ANO3: variants seen among roughly 807,000 people sequenced by gnomAD.
ANO3 encodes anoctamin 3.
In ANO3, 99 loss-of-function variants were observed where a neutral mutation model predicts 144.8. The observed-to-expected ratio is 0.68, with a 90% CI of 0.58 to 0.81. The LOEUF (loss-of-function observed/expected upper bound fraction) is 0.81. ANO3 is among the 30% of genes least tolerant of loss of function. The probability of loss-of-function intolerance (pLI) is 0.00; values close to 1 mark genes in which losing one functional copy is unlikely to be tolerated. For missense variants in ANO3, 905 were observed against 1,202.2 expected (o/e 0.75, Z 3.66); for synonymous variants, 414 against 392.6 (o/e 1.05, Z -0.64).
At chr11:26,221,369 G>A (rs1578894) in intron 1 of ANO3, among the ~76,000 whole-genome samples, 46,027 of 152,052 alleles carry the variant, frequency 0.3, 7,703 homozygotes, top group Non-Finnish European at 0.37. Flanking sequence ...GCAGGAAAGG[G>A]TCACTATAGC....
chr11:26,242,119 G>C (rs1342663532), intron 1 of ANO3, among the ~76,000 whole-genome samples: 1 of 152,192 alleles, frequency 6.6e-6, no homozygotes, highest in Admixed American at 6.5e-5. Flanking sequence ...ACTGATGATA[G>C]TTGAAATTGT....
At chr11:26,379,915 C>G (rs1856542922) in intron 1 of ANO3, among the ~76,000 whole-genome samples, 1 of 152,128 alleles carries the variant, frequency 6.6e-6, no homozygotes, top group African/African-American at 2.4e-5. Context: ...GGGAATAACA[C>G]CTTGAGCATT....
chr11:26,448,571 A>T (rs907429391), intron 3 of ANO3, among the ~76,000 whole-genome samples: 1 of 152,192 alleles, frequency 6.6e-6, no homozygotes, highest in Admixed American at 6.5e-5. Flanking sequence ...TTTTGCTTTC[A>T]TTCTATAACT....
chr11:26,611,195 T>C (rs557247208), intron 17 of ANO3, among the ~76,000 whole-genome samples: 3 of 152,240 alleles, frequency 2.0e-5, no homozygotes, highest in African/African-American at 7.2e-5. Flanking sequence ...TTCCTACTTT[T>C]TGAGCTGCAT....
intron 20 of ANO3, among the ~76,000 whole-genome samples, chr11:26,636,301 C>G (rs1365145923): frequency 6.6e-6 from 1 of 152,028 alleles, no homozygotes. Flanking sequence ...TTAATGATAG[C>G]CATAATTACA....
chr11:26,404,933 ATGTGTGTGTGTGTGTGTGTGTGTG>A (rs56103536), intron 1 of ANO3, among the ~76,000 whole-genome samples: 6 of 146,172 alleles, frequency 4.1e-5, no homozygotes, highest in Non-Finnish European at 9.0e-5. Flanking sequence ...ATTTATATAT[ATGTGTGTGTGTGTGTGTGTGTGTG>A]TGTGTGTGTG....
At chr11:26,367,713 G>T (rs1590298649) in intron 1 of ANO3, among the ~76,000 whole-genome samples, 1 of 152,268 alleles carries the variant, frequency 6.6e-6, no homozygotes, top group African/African-American at 2.4e-5. Flanking sequence ...TAGTTCTGCA[G>T]GCTTTACTGC....
chr11:26,377,724 C>G (rs1856455078), intron 1 of ANO3, among the ~76,000 whole-genome samples: 1 of 152,014 alleles, frequency 6.6e-6, no homozygotes, highest in Non-Finnish European at 1.5e-5. Flanking sequence ...TATCTAGACC[C>G]ATTGTAGTAA....
chr11:26,562,869 G>A (rs541121436), intron 14 of ANO3, among the ~76,000 whole-genome samples: 59 of 151,924 alleles, frequency 3.9e-4, no homozygotes, highest in Admixed American at 8.6e-4. Flanking sequence ...TAGATTCTTG[G>A]ATTATTATTT....
At chr11:26,600,901 C>T (rs1015439449) in intron 17 of ANO3, among the ~76,000 whole-genome samples, 3 of 151,920 alleles carry the variant, frequency 2.0e-5, no homozygotes, top group African/African-American at 4.8e-5. Context: ...GTTTCAACAT[C>T]GCATGCACTT....
chr11:26,615,937 C>T (rs575639830), intron 17 of ANO3, among the ~76,000 whole-genome samples: 1 of 152,162 alleles, frequency 6.6e-6, no homozygotes, highest in South Asian at 2.1e-4. Flanking sequence ...TGCTCAAAGC[C>T]ATCTTTGGAG....
intron 1 of ANO3, among the ~76,000 whole-genome samples, chr11:26,313,244 G>A (rs1418407399): frequency 1.3e-5 from 2 of 152,168 alleles, no homozygotes; most frequent in African/African-American, 4.8e-5. Flanking sequence ...CACCATTGCT[G>A]TGAATCTTTT....
intron 1 of ANO3, among the ~76,000 whole-genome samples, chr11:26,372,855 G>A (rs1299867956): frequency 2.0e-5 from 3 of 151,982 alleles, no homozygotes; most frequent in African/African-American, 4.8e-5. Flanking sequence ...ATTTCACTTT[G>A]AACATTTATA....
intron 13 of ANO3, among the ~76,000 whole-genome samples, chr11:26,556,308 C>T (rs1243300379): frequency 6.6e-6 from 1 of 151,674 alleles, no homozygotes; most frequent in Non-Finnish European, 1.5e-5. Flanking sequence ...TGACTCAACC[C>T]CTTGAAGTTA....
At chr11:26,315,777 C>A (rs1028821852) in intron 1 of ANO3, among the ~76,000 whole-genome samples, 1 of 151,914 alleles carries the variant, frequency 6.6e-6, no homozygotes, top group African/African-American at 2.4e-5. Context: ...GCTTTTGAAT[C>A]ATTTAAATAA....
intron 6 of ANO3, among the ~76,000 whole-genome samples, chr11:26,523,119 A>C (rs1862150677): frequency 1.3e-5 from 2 of 152,192 alleles, no homozygotes. Context: ...AGAAGAAATG[A>C]AGAAGGAACT....
chr11:26,404,933 ATGTGTGTGTGTGTGTG>A lies in ANO3; in HGVS notation c.47-36953_47-36938del, dbSNP rs56103536. On this transcript the variant is annotated intron_variant, in intron 1 of 26. Coordinates refer to ENST00000256737, the MANE Select transcript of ANO3 (RefSeq NM_031418.4). ...TAATTTCAGCAAGGAATTTATATAT[ATGTGTGTGTGTGTGTG>A]TGTGTGTGTGTGTGTGTGTGTGTGT... 6.8e-4 allele frequency among the ~76,000 whole-genome samples: 100 copies of A among 146,278 alleles called. 1 individual carries two copies. The highest frequency in any genetic ancestry group is 6.1e-4 in the East Asian group (3 of 4,918).
chr11:26,345,578 T>G (rs896254897), intron 1 of ANO3, among the ~76,000 whole-genome samples: 2 of 152,030 alleles, frequency 1.3e-5, no homozygotes, highest in African/African-American at 4.8e-5. Flanking sequence ...AAACAAAAAA[T>G]ATCCTTGATG....
At chr11:26,454,233 GA>G (rs1332543172) in intron 3 of ANO3, among the ~76,000 whole-genome samples, 16 of 152,120 alleles carry the variant, frequency 1.1e-4, no homozygotes, top group Non-Finnish European at 1.9e-4. Flanking sequence ...AATCAGAGCA[GA>G]ACTGAAGGAA....
Sources: gnomAD v4.1 joint callset for allele counts (sites outside exome capture counted in the v4.1 genomes callset) on GRCh38, gnomAD v4.1.1 for gene constraint, MANE v1.5 for transcripts, NCBI Gene and HGNC (gene_info 2026-07-23, HGNC 2026-07-21) for gene names.